Variants in SAFB2 observed in about 807,000 individuals in gnomAD.
The protein encoded by SAFB2 is scaffold attachment factor B2.
A neutral mutation model predicts 100.6 loss-of-function variants in SAFB2; 32 were observed. That is an observed-to-expected ratio of 0.32 (90% CI 0.24 to 0.43). SAFB2 has a LOEUF of 0.43. Ranked by LOEUF, SAFB2 falls within the 20% of genes least tolerant of loss-of-function variation. The probability of loss-of-function intolerance (pLI) is 1.00; values close to 1 mark genes in which losing one functional copy is unlikely to be tolerated. For missense variants in SAFB2, 1,185 were observed against 1,163.4 expected (o/e 1.02, Z -0.27); for synonymous variants, 500 against 439.4 (o/e 1.14, Z -1.72).
chr19:5,589,808 G>A (rs922717188), intron 18 of SAFB2, among the ~76,000 whole-genome samples: 1 of 152,152 alleles, frequency 6.6e-6, no homozygotes, highest in Non-Finnish European at 1.5e-5. Flanking sequence ...TGGGTGGAGG[G>A]TCCTCCTAAG....
At chr19:5,617,807 T>TA (rs796301500) in intron 2 of SAFB2, among the ~76,000 whole-genome samples, 6 of 152,304 alleles carry the variant, frequency 3.9e-5, no homozygotes, top group African/African-American at 1.4e-4. Flanking sequence ...TCACAATATT[T>TA]AAAGAATGTA....
In SAFB2 at chr19:5,614,387, A is replaced by G. The variant is rs1295820245; in HGVS notation, c.544-860T>C. Among the ~76,000 whole-genome samples, 13 of 152,372 alleles carry G rather than the reference A, an allele frequency of 8.5e-5. 1 individual carries two copies. The highest frequency in any genetic ancestry group is 3.1e-4 in the African/African-American group (13 of 41,592). On this transcript the variant is annotated intron_variant, in intron 4 of 20. Coordinates refer to ENST00000252542, the MANE Select transcript of SAFB2 (RefSeq NM_014649.3). ...CTCTTTTTAAGTGAACTACAAAAAC[A>G]GCACTCCCAAATATTTTCTTTTTTC... is the stretch of plus-strand genomic sequence containing the variant.
At chr19:5,606,837 G>A (rs2052784687) in intron 9 of SAFB2, among the ~76,000 whole-genome samples, 1 of 152,170 alleles carries the variant, frequency 6.6e-6, no homozygotes, top group Non-Finnish European at 1.5e-5. Flanking sequence ...CTGCACTACA[G>A]GAAACATTCA....
In SAFB2 at chr19:5,593,983, G is replaced by T. The variant is rs778587485; in HGVS notation, c.2115C>A (p.Ile705=). The T allele has an allele frequency of 3.9e-6, 6 of 1,555,976 alleles. No homozygotes were observed. The East Asian group carries it at 1.4e-4, about 37-fold the overall frequency. The change falls in exon 15 of 21, where the codon ATC becomes ATA. Residue 705 remains isoleucine, a synonymous_variant. Transcript: ENST00000252542. ...ERERRKEQER[I]HREREELRRQ... is the part of the protein sequence containing the mutation. Reference sequence around the variant, plus strand: ...GCCGCAGCTCCTCGCGCTCGCGGTGGATGCGCTCCTGCTCCTTCCTGCGCT... The same window carrying T: ...GCCGCAGCTCCTCGCGCTCGCGGTGTATGCGCTCCTGCTCCTTCCTGCGCT...
Position 5,595,436 on chromosome 19 carries a change from T to C in SAFB2, c.1844A>G (p.Asp615Gly). The change falls in exon 14 of 21, where the codon GAT becomes GGT. Residue 615 changes from aspartate to glycine, a missense_variant. Physicochemically the swap from Asp to Gly is moderately conservative, Grantham distance 94 (BLOSUM62 -1). Coordinates refer to ENST00000252542, the MANE Select transcript of SAFB2 (RefSeq NM_014649.3). ...SKEKRDILSF[D>G]KIKEQRERER... The stretch of plus-strand genomic sequence containing the variant: ...TCTCTCCCTTTGTTCTTTGATTTTA[T>C]CAAACGACAAGATGTCTCTCTTTTC... The C allele has an allele frequency of 1.2e-6, 2 of 1,613,856 alleles. No homozygotes were observed. The highest frequency in any genetic ancestry group is 2.2e-5 in the South Asian group (2 of 91,078).
chr19:5,588,098 C>G (rs1269875057), intron 18 of SAFB2, 118 bp from the exon 19 acceptor site: 6 of 852,570 alleles, frequency 7.0e-6, no homozygotes, highest in Non-Finnish European at 1.1e-5. Context: ...ACAAGGGCTG[C>G]ATGTCAAGTG....
In SAFB2 at chr19:5,594,053, A is replaced by T. The variant is rs1435569069; in HGVS notation, c.2045T>A (p.Met682Lys). The T allele has an allele frequency of 1.3e-6, 2 of 1,585,936 alleles. No individual in the cohort carries two copies. The highest frequency in any genetic ancestry group is 1.3e-5 in the African/African-American group (1 of 74,518). The change falls in exon 15 of 21, where the codon ATG (methionine) becomes AAG (lysine). Residue 682 changes from methionine (M) to lysine (K), a missense_variant. Coordinates refer to ENST00000252542, the MANE Select transcript of SAFB2 (RefSeq NM_014649.3). Reference sequence around the variant, plus strand: ...CTCGCGCTCCAGCCGCTCCCGCTCCATGCGCTCCCGCTCCAGCCGCTGGCG... The same window carrying T: ...CTCGCGCTCCAGCCGCTCCCGCTCCTTGCGCTCCCGCTCCAGCCGCTGGCG... ...CQRQRLERER[M>K]ERERLERERM... is the part of the protein sequence containing the mutation.
chr19:5,595,602 G>A (rs2145323701), intron 13 of SAFB2, 105 bp from the exon 14 acceptor site: 1 of 1,382,416 alleles, frequency 7.2e-7, no homozygotes, highest in Middle Eastern at 1.9e-4. Context: ...GGCCCCACAT[G>A]GTGTAGATGG....
rs758442996 is a variant in SAFB2, at chr19:5,616,505, T to C, written c.275-19A>G. On this transcript the variant is annotated intron_variant, in intron 2 of 20. Coordinates refer to ENST00000252542, the MANE Select transcript of SAFB2 (RefSeq NM_014649.3). ...TTCAGTCCTAATTACAGAATAATTG[T>C]TCAATCAGATAACACTCAAGTTCTA... 1.9e-5 allele frequency: 31 copies of C among 1,600,746 alleles called. No individual in the cohort carries two copies. In the South Asian group the frequency reaches 2.8e-4, roughly 14 times the overall value.
In SAFB2 at chr19:5,587,948, C is replaced by T. The variant is rs772496640; in HGVS notation, c.2558G>A (p.Arg853Gln). The T allele has an allele frequency of 6.2e-6, 10 of 1,612,858 alleles. No individual in the cohort carries two copies. The East Asian group carries it at 6.7e-5, about 11-fold the overall frequency. The change falls in exon 19 of 21, where the codon CGG becomes CAG. Residue 853 changes from arginine (R) to glutamine (Q), a missense_variant. This residue lies in a region of SAFB2 where 740 missense variants were observed against 687.1 expected (regional missense o/e 1.08). Transcript: ENST00000252542. The surrounding 1 kb of genome is among the most constrained non-coding windows in gnomAD (Gnocchi z 4.9). ...GGRDWGEHNQ[R>Q]LEEHQARAWQ... is the part of the protein sequence containing the mutation. The stretch of plus-strand genomic sequence containing the variant: ...GGCGCGTGCCTGGTGCTCCTCTAGC[C>T]GCTGGTTGTGCTCTCCCCAGTCACG...
At chr19:5,597,858 G>A (rs904654156) in intron 13 of SAFB2, among the ~76,000 whole-genome samples, 13 of 152,104 alleles carry the variant, frequency 8.5e-5, no homozygotes, top group Non-Finnish European at 1.6e-4. Context: ...GGTTGGGCAC[G>A]GTGGCTCAAG....
At chr19:5,601,459 C>T (rs2052656074) in intron 11 of SAFB2, among the ~76,000 whole-genome samples, 1 of 152,040 alleles carries the variant, frequency 6.6e-6, no homozygotes, top group Admixed American at 6.6e-5. Flanking sequence ...GCCTGTAATC[C>T]CAGCACTTTG....
In SAFB2 at chr19:5,592,659, A is replaced by C. The variant is rs2052435530; in HGVS notation, c.2348+88T>G. The C allele has an allele frequency of 4.1e-6, 6 of 1,473,292 alleles. No individual in the cohort carries two copies. In the Admixed American group the frequency reaches 1.1e-4, roughly 26 times the overall value. 91.3% of individuals were successfully genotyped at this position (1,473,292 alleles called of 1,614,324 possible). A position where few individuals can be genotyped will look rare whatever the true frequency, so the allele number is the denominator to read the frequency against. ...TAAACGAGGCTTCAGAGCACACAGG[A>C]ACCCCTGCACTGGGCTGAGAACGAG... On this transcript the variant is annotated intron_variant, in intron 16 of 20. Transcript: ENST00000252542.
At chr19:5,602,260 G>A (rs1210912904) in intron 11 of SAFB2, among the ~76,000 whole-genome samples, 4 of 151,710 alleles carry the variant, frequency 2.6e-5, no homozygotes, top group South Asian at 2.1e-4. Context: ...GGTGGATCAC[G>A]AGGTCAGGAG....
At position 5,622,748 on chromosome 19, in the gene SAFB2, C is replaced by T. The variant is rs771896894; in HGVS notation, c.-33G>A. On this transcript the variant is annotated 5_prime_UTR_variant, in exon 1 of 21. Transcript: ENST00000252542. The stretch of plus-strand genomic sequence containing the variant: ...TTCCCGTCTTCGCCACCGACTCAGT[C>T]GCACACCGCCGGCAGCTATAGCGGC... The T allele has an allele frequency of 8.9e-6, 14 of 1,571,926 alleles. No individual in the cohort carries two copies. Among genetic ancestry groups the T allele is most frequent in the African/African-American group, 2.7e-5 (2 of 73,916 alleles).
At chr19:5,595,947 A>T (rs2052528144) in intron 13 of SAFB2, among the ~76,000 whole-genome samples, 1 of 152,222 alleles carries the variant, frequency 6.6e-6, no homozygotes, top group African/African-American at 2.4e-5. Context: ...CTGCTGGCTC[A>T]GGACTCAGGC....
chr19:5,588,056 G>A, intron 18 of SAFB2, 76 bp from the exon 19 acceptor site: 1 of 1,310,172 alleles, frequency 7.6e-7, no homozygotes, highest in Non-Finnish European at 1.1e-6. Flanking sequence ...CACCCACCCT[G>A]ACCTCAGCTG....
intron 13 of SAFB2, 198 bp downstream of exon 13, chr19:5,598,595 A>C (rs188242089): frequency 3.4e-6 from 2 of 589,408 alleles, no homozygotes; most frequent in Middle Eastern, 4.5e-4. Flanking sequence ...TAAGGGAAGC[A>C]AACACGGATG....
chr19:5,595,561 T>G (rs1350522017), intron 13 of SAFB2, 64 bp from the exon 14 acceptor site: 20 of 1,579,408 alleles, frequency 1.3e-5, no homozygotes, highest in Non-Finnish European at 1.7e-5. Context: ...CAATGGAGAT[T>G]ATGCACGTGT....
Sources: gnomAD v4.1 joint callset for allele counts (sites outside exome capture counted in the v4.1 genomes callset) on GRCh38, gnomAD v4.1.1 for gene constraint, gnomAD v4.1.1 regional missense constraint, Gnocchi (gnomAD v3.1) non-coding constraint, MANE v1.5 for transcripts, NCBI Gene and HGNC (gene_info 2026-07-23, HGNC 2026-07-21) for gene names.